Variants in C5 observed in about 807,000 individuals in gnomAD.
C5 encodes the protein C3 and PZP-like alpha-2-macroglobulin domain-containing protein 4.
C5 carries 140 observed loss-of-function variants against 218.8 expected under a neutral mutation model. That is an observed-to-expected ratio of 0.64 (90% confidence interval 0.56 to 0.74). The LOEUF is 0.74. Ranked by LOEUF, C5 falls within the 30% of genes least tolerant of loss-of-function variation. The pLI is 0.00. For missense variants in C5, 1,700 were observed against 1,969.6 expected (o/e 0.86, Z 2.59); for synonymous variants, 614 against 682.3 (o/e 0.90, Z 1.56).
At chr9:121,070,741 G>A in the C5 span, among the ~76,000 whole-genome samples, 1 of 151,882 alleles carries the variant, frequency 6.6e-6, no homozygotes, top group African/African-American at 2.4e-5. Flanking sequence ...CAGGGGGAAG[G>A]GAAGGAGAGA....
chr9:121,074,367 C>T, the C5 span, among the ~76,000 whole-genome samples: 1 of 152,294 alleles, frequency 6.6e-6, no homozygotes. Flanking sequence ...GCTTTAACTC[C>T]CTTGTAGCAA....
rs755925896 is a variant in C5, at chr9:121,025,556, T to C, written c.898A>G (p.Thr300Ala). 5.6e-6 allele frequency: 9 copies of C among 1,612,850 alleles called. No individual in the cohort carries two copies. Among genetic ancestry groups the C allele is most frequent in the Non-Finnish European group, 7.6e-6 (9 of 1,179,696 alleles). ...TTGACTGCTGTTTCAGAATCAAATG[T>C]GACTTGAGCAATTCCATTTATCAAC... ...TMLINGIAQVTFDSETAVKEL... is the reference protein window; with the variant it reads ...TMLINGIAQVAFDSETAVKEL... Residue 300 changes from threonine (T) to alanine (A), a missense_variant, in exon 9 of 41, where the codon ACA (threonine) becomes GCA (alanine). Coordinates refer to ENST00000223642, the MANE Select transcript of C5 (RefSeq NM_001735.3).
chr9:120,997,724 T>A lies in C5; in HGVS notation c.2613A>T (p.Pro871=). 4.3e-6 allele frequency: 7 copies of A among 1,614,186 alleles called. No homozygotes were observed. Among genetic ancestry groups the A allele is most frequent in the Non-Finnish European group, 5.9e-6 (7 of 1,180,038 alleles). ...ACTTTGTGCCCTGATGATCAATGAC[T>A]GGGCTTTCCGAAGTGCAGATTCCCT... is the stretch of plus-strand genomic sequence containing the variant. ...AVEGICTSES[P]VIDHQGTKSS... is the part of the protein sequence containing the mutation. The change falls in exon 21 of 41, where the codon CCA becomes CCT. Residue 871 remains proline, a synonymous_variant. Transcript: ENST00000223642.
intron 37 of C5, among the ~76,000 whole-genome samples, chr9:120,961,256 G>A (rs7867876): frequency 0.058 from 8,775 of 152,188 alleles, 299 homozygotes; most frequent in Middle Eastern, 0.092. Flanking sequence ...CAACCCTCTC[G>A]ATGGTGTTTC....
intron 10 of C5, among the ~76,000 whole-genome samples, chr9:121,022,798 G>A (rs976113497): frequency 6.6e-5 from 10 of 151,762 alleles, no homozygotes; most frequent in African/African-American, 2.4e-4. Context: ...TCAGCATTTA[G>A]AGGAGGAAAA....
At position 121,034,895 on chromosome 9, in the gene C5, C is replaced by A; in HGVS notation, c.493-1G>T. 6.5e-7 allele frequency: 1 copy of A among 1,548,952 alleles called. No homozygotes were observed. Among genetic ancestry groups the A allele is most frequent in the South Asian group, 1.1e-5 (1 of 88,378 alleles). On this transcript the variant is annotated splice_acceptor_variant, in intron 4 of 40. Coordinates refer to ENST00000223642, the MANE Select transcript of C5 (RefSeq NM_001735.3). LOFTEE classifies it high-confidence loss of function. ...TGTCAACTTCTGATCCTTCAGGATC[C>A]TGTAAATAAAAACAAACACCCTCAA...
chr9:121,007,391 T>C (rs2047224587), intron 18 of C5, among the ~76,000 whole-genome samples: 1 of 152,236 alleles, frequency 6.6e-6, no homozygotes, highest in South Asian at 2.1e-4. Context: ...AGCTATTGTC[T>C]ACCAACTTTG....
intron 10 of C5, among the ~76,000 whole-genome samples, chr9:121,022,015 G>A (rs928826185): frequency 2.6e-5 from 4 of 152,272 alleles, no homozygotes; most frequent in Admixed American, 6.5e-5. Flanking sequence ...GTAAAGAGAA[G>A]TGTATTCTCA....
the C5 span, among the ~76,000 whole-genome samples, chr9:121,068,762 T>C: frequency 6.6e-6 from 1 of 152,220 alleles, no homozygotes. Context: ...AATAGCATGA[T>C]ATTGTCATAA....
chr9:120,957,415 T>A, intron 38 of C5, 47 bp from the exon 39 acceptor site: 2 of 1,382,370 alleles, frequency 1.4e-6, no homozygotes, highest in Non-Finnish European at 2.1e-6. Context: ...TTAATACTAT[T>A]AATGCTATGT....
chr9:121,061,659 T>C, the C5 span, among the ~76,000 whole-genome samples: 15 of 152,270 alleles, frequency 9.9e-5, no homozygotes, highest in Non-Finnish European at 2.1e-4. Flanking sequence ...ACTTTAATTA[T>C]TGGCATGACT....
At position 121,013,874 on chromosome 9, in the gene C5, T is replaced by C. The variant is rs2047283650; in HGVS notation, c.2256A>G (p.Leu752=). Residue 752 remains leucine (L), a splice_region_variant and synonymous_variant, in exon 17 of 41, where the codon CTA becomes CTG. Coordinates refer to ENST00000223642, the MANE Select transcript of C5 (RefSeq NM_001735.3). ...ISHKDMQLGR[L]HMKTLLPVSK... The stretch of plus-strand genomic sequence containing the variant: ...TCTGATAGAAAATGTCATACTTACG[T>C]AGCCTTCCCAATTGCATGTCTTTAT... 1 of 1,613,522 alleles carries C rather than the reference T, an allele frequency of 6.2e-7. No individual in the cohort carries two copies. The highest frequency in any genetic ancestry group is 1.1e-5 in the South Asian group (1 of 91,080).
intron 37 of C5, among the ~76,000 whole-genome samples, chr9:120,960,712 T>G (rs2046820950): frequency 6.6e-6 from 1 of 152,216 alleles, no homozygotes; most frequent in South Asian, 2.1e-4. Flanking sequence ...TTAGCGTATT[T>G]TATGTATGGC....
intron 20 of C5, among the ~76,000 whole-genome samples, chr9:121,005,290 A>G (rs1342655923): frequency 6.6e-6 from 1 of 152,150 alleles, no homozygotes; most frequent in African/African-American, 2.4e-5. Context: ...AGTTGGCATA[A>G]TTTTAGTCAG....
chr9:121,036,751 G>A (rs1232382171), intron 4 of C5, among the ~76,000 whole-genome samples: 2 of 151,858 alleles, frequency 1.3e-5, no homozygotes, highest in Non-Finnish European at 1.5e-5. Context: ...ACCTCTCATT[G>A]GTCTTCCCTC....
the C5 span, among the ~76,000 whole-genome samples, chr9:121,073,298 T>C: frequency 3.3e-5 from 5 of 152,202 alleles, no homozygotes; most frequent in Admixed American, 6.5e-5. Flanking sequence ...CTTCCGGGGT[T>C]TGCACAAGTT....
In C5 at chr9:120,952,657, A is replaced by T; in HGVS notation, c.*82T>A. The T allele has an allele frequency of 7.0e-7, 1 of 1,436,338 alleles. No homozygotes were observed. Among genetic ancestry groups the T allele is most frequent in the Non-Finnish European group, 9.7e-7 (1 of 1,030,174 alleles). The allele number at this position is 1,436,338 out of a possible 1,614,324, so 89.0% of individuals were successfully genotyped here. ...CAAATAAGACCAGCTATGAATGTTT[A>T]AAAAAAGAAGAAAACAAAAAAACGA... On this transcript the variant is annotated 3_prime_UTR_variant, in exon 41 of 41. Coordinates refer to ENST00000223642, the MANE Select transcript of C5 (RefSeq NM_001735.3).
intron 17 of C5, among the ~76,000 whole-genome samples, chr9:121,011,789 C>T (rs1564150631): frequency 6.6e-6 from 1 of 152,186 alleles, no homozygotes. Context: ...GAGTACTACT[C>T]AGCCATGAAA....
intron 37 of C5, 26 bp downstream of exon 37, chr9:120,961,456 G>A: frequency 6.8e-7 from 1 of 1,476,190 alleles, no homozygotes. Flanking sequence ...TAAGCATGCA[G>A]CCTAAATATG....
Sources: allele counts gnomAD v4.1 joint callset (sites outside exome capture counted in the v4.1 genomes callset), GRCh38; gene constraint gnomAD v4.1.1; transcripts MANE v1.5; gene names NCBI Gene and HGNC (gene_info 2026-07-23, HGNC 2026-07-21).